Variants in RFPL4B observed in about 807,000 individuals in gnomAD.
RFPL4B encodes ret finger protein like 4B.
For missense variants in RFPL4B, 314 were observed against 327.7 expected (o/e 0.96, Z 0.32); for synonymous variants, 118 against 126.3 (o/e 0.93, Z 0.44).
At chr6:112,348,887 G>T (rs1308082964) in intron 1 of RFPL4B, among the ~76,000 whole-genome samples, 1 of 152,190 alleles carries the variant, frequency 6.6e-6, no homozygotes, top group Non-Finnish European at 1.5e-5. Flanking sequence ...TTTTTGGTTT[G>T]TATTCAGGCA....
At chr6:112,349,135 A>C (rs1789117879) in intron 1 of RFPL4B, 58 bp from the exon 2 acceptor site, 1 of 152,176 alleles carries the variant, frequency 6.6e-6, no homozygotes, top group Non-Finnish European at 1.5e-5. Flanking sequence ...TTAATGTAGA[A>C]TTGGCTTTAT....
intron 1 of RFPL4B, among the ~76,000 whole-genome samples, chr6:112,347,719 C>T (rs539967582): frequency 2.0e-5 from 3 of 152,358 alleles, no homozygotes; most frequent in African/African-American, 7.2e-5. Flanking sequence ...GGCCGGGCGC[C>T]ATGGTTCGCG....
At position 112,350,234 on chromosome 6, in the gene RFPL4B, C is replaced by A; in HGVS notation, c.526C>A (p.Pro176Thr). 1 of 1,614,174 alleles carries A rather than the reference C, an allele frequency of 6.2e-7. No homozygotes were observed. ...PADRKSNDLF[P>T]EHGFWISMKA... Reference sequence around the variant, plus strand: ...TGACAGAAAGAGCAATGATTTATTCCCTGAGCATGGCTTCTGGATCAGCAT... The same window carrying A: ...TGACAGAAAGAGCAATGATTTATTCACTGAGCATGGCTTCTGGATCAGCAT... Residue 176 changes from proline to threonine, a missense_variant, in exon 3 of 3, where the codon CCT becomes ACT. By Grantham distance (38) the Pro-to-Thr change is conservative. Transcript: ENST00000441065.
chr6:112,348,313 G>A (rs1460306095), intron 1 of RFPL4B, among the ~76,000 whole-genome samples: 1 of 152,230 alleles, frequency 6.6e-6, no homozygotes, highest in East Asian at 1.9e-4. Flanking sequence ...AGATTGGAAT[G>A]CTGATCAGGA....
In RFPL4B at chr6:112,349,834, C is replaced by A; in HGVS notation, c.126C>A (p.Asn42Lys). Reference protein sequence around the residue: ...FDCIQRYILENHDFRAMCPLC... With the variant: ...FDCIQRYILEKHDFRAMCPLC... Reference sequence around the variant, plus strand: ...GCATCCAGAGGTATATACTAGAAAACCATGATTTTAGAGCGATGTGCCCCT... The same window carrying A: ...GCATCCAGAGGTATATACTAGAAAAACATGATTTTAGAGCGATGTGCCCCT... Residue 42 changes from asparagine to lysine, a missense_variant, in exon 3 of 3, where the codon AAC becomes AAA. By Grantham distance (94) the Asn-to-Lys change is moderately conservative. Coordinates refer to ENST00000441065, the MANE Select transcript of RFPL4B (RefSeq NM_001013734.3). 6.2e-7 allele frequency: 1 copy of A among 1,614,128 alleles called. No homozygotes were observed. The highest frequency in any genetic ancestry group is 8.5e-7 in the Non-Finnish European group (1 of 1,180,030).
chr6:112,350,510 C>G lies in RFPL4B; in HGVS notation c.*10C>G, dbSNP rs1365402363. On this transcript the variant is annotated 3_prime_UTR_variant, in exon 3 of 3. Coordinates refer to ENST00000441065, the MANE Select transcript of RFPL4B (RefSeq NM_001013734.3). Reference sequence around the variant, plus strand: ...GACCATCTGCCCATGAGAAAGTCAGCCCTTCCTAGAAGCTTTCTGAGAGGT... The same window carrying G: ...GACCATCTGCCCATGAGAAAGTCAGGCCTTCCTAGAAGCTTTCTGAGAGGT... The G allele has an allele frequency of 6.4e-7, 1 of 1,556,906 alleles. No homozygotes were observed. Among genetic ancestry groups the G allele is most frequent in the Admixed American group, 1.9e-5 (1 of 51,734 alleles).
intron 1 of RFPL4B, 125 bp downstream of exon 1, chr6:112,347,532 A>G (rs915787160): frequency 6.6e-6 from 1 of 152,218 alleles, no homozygotes; most frequent in Non-Finnish European, 1.5e-5. Context: ...TTCCTGTGCC[A>G]GGGAGCTTTC....
chr6:112,350,163 T>G lies in RFPL4B; in HGVS notation c.455T>G (p.Val152Gly), dbSNP rs754954702. 1 of 1,614,096 alleles carries G rather than the reference T, an allele frequency of 6.2e-7. No individual in the cohort carries two copies. The highest frequency in any genetic ancestry group is 1.7e-5 in the Admixed American group (1 of 60,018). ...GGCCAACATTACTGGGAGGTTGAAG[T>G]GGGAGAGGTGAAGTCATGGTCCCTG... ...SSGQHYWEVE[V>G]GEVKSWSLGV... is the part of the protein sequence containing the mutation. The change falls in exon 3 of 3, where the codon GTG (valine) becomes GGG (glycine). Residue 152 changes from valine (V) to glycine (G), a missense_variant. By Grantham distance (109) the Val-to-Gly change is moderately radical. Coordinates refer to ENST00000441065, the MANE Select transcript of RFPL4B (RefSeq NM_001013734.3).
chr6:112,349,823 A>T lies in RFPL4B; in HGVS notation c.115A>T (p.Ile39Leu). The T allele has an allele frequency of 1.2e-6, 2 of 1,614,194 alleles. No individual in the cohort carries two copies. Among genetic ancestry groups the T allele is most frequent in the Non-Finnish European group, 1.7e-6 (2 of 1,180,028 alleles). Residue 39 changes from isoleucine (I) to leucine (L), a missense_variant, in exon 3 of 3, where the codon ATA becomes TTA. Transcript: ENST00000441065. ...VFCFDCIQRY[I>L]LENHDFRAMC... ...CTGCTTTGATTGCATCCAGAGGTAT[A>T]TACTAGAAAACCATGATTTTAGAGC...
At position 112,350,583 on chromosome 6, in the gene RFPL4B, T is replaced by G; in HGVS notation, c.*83T>G. The G allele has an allele frequency of 9.5e-7, 1 of 1,047,554 alleles. No individual in the cohort carries two copies. Among genetic ancestry groups the G allele is most frequent in the South Asian group, 1.6e-5 (1 of 62,654 alleles). 64.9% of individuals were successfully genotyped at this position (1,047,554 alleles called of 1,614,324 possible). On this transcript the variant is annotated 3_prime_UTR_variant, in exon 3 of 3. Coordinates refer to ENST00000441065, the MANE Select transcript of RFPL4B (RefSeq NM_001013734.3). ...AAGGTCAGCATGATTGAGGAAGAGATAATGTGCTATAGTGCAAAGACTTGG... is the reference window on the plus strand; with the variant it reads ...AAGGTCAGCATGATTGAGGAAGAGAGAATGTGCTATAGTGCAAAGACTTGG...
rs566509839 is a variant in RFPL4B, at chr6:112,350,437, A to G, written c.729A>G (p.Pro243=). ...DGFFSLELLC[P]FFCLELLGEG... is the part of the protein sequence containing the mutation. ...TCTTCTCTTTGGAGCTTTTGTGTCC[A>G]TTCTTCTGTCTTGAGCTCTTGGGAG... is the stretch of plus-strand genomic sequence containing the variant. The change falls in exon 3 of 3, where the codon CCA becomes CCG. Residue 243 remains proline (P), a synonymous_variant. Transcript: ENST00000441065. The G allele has an allele frequency of 3.5e-5, 56 of 1,613,074 alleles. No individual in the cohort carries two copies. The highest frequency in any genetic ancestry group is 4.6e-5 in the Non-Finnish European group (54 of 1,179,412).
At chr6:112,347,447 A>C (rs6930560) in intron 1 of RFPL4B, 40 bp downstream of exon 1, 2 of 152,110 alleles carry the variant, frequency 1.3e-5, no homozygotes, top group African/African-American at 4.8e-5. Context: ...CCAATGTCCT[A>C]TTCTGTCTTT....
At position 112,350,670 on chromosome 6, in the gene RFPL4B, A is replaced by G; in HGVS notation, c.*170A>G. ...AAACAATTTTCGGATTTTTGGGGTAAATTTTGTGGAATTTGTAGCTAGGTA... is the reference window on the plus strand; with the variant it reads ...AAACAATTTTCGGATTTTTGGGGTAGATTTTGTGGAATTTGTAGCTAGGTA... On this transcript the variant is annotated 3_prime_UTR_variant, in exon 3 of 3. Coordinates refer to ENST00000441065, the MANE Select transcript of RFPL4B (RefSeq NM_001013734.3). 1.8e-6 allele frequency: 1 copy of G among 568,656 alleles called. No individual in the cohort carries two copies. The highest frequency in any genetic ancestry group is 3.5e-5 in the Admixed American group (1 of 28,646). 35.2% of individuals were successfully genotyped at this position (568,656 alleles called of 1,614,324 possible). A position where few individuals can be genotyped will look rare whatever the true frequency, so the allele number is the denominator to read the frequency against.
At position 112,351,064 on chromosome 6, in the gene RFPL4B, A is replaced by G. The variant is rs1789147477; in HGVS notation, c.*564A>G. On this transcript the variant is annotated 3_prime_UTR_variant, in exon 3 of 3. Transcript: ENST00000441065. The stretch of plus-strand genomic sequence containing the variant: ...TTTATTTTCTTTGAAACACAGCCAC[A>G]TAAGTTTTCTTGAAAGACAAAGAAC... 2 of 167,088 alleles carry G rather than the reference A, an allele frequency of 1.2e-5. No homozygotes were observed. The highest frequency in any genetic ancestry group is 4.8e-5 in the African/African-American group (2 of 41,460). 10.4% of individuals were successfully genotyped at this position (167,088 alleles called of 1,614,324 possible).
In RFPL4B at chr6:112,350,484, T is replaced by A. The variant is rs375887178; in HGVS notation, c.776T>A (p.Leu259Gln). 6.3e-7 allele frequency: 1 copy of A among 1,588,616 alleles called. No individual in the cohort carries two copies. Among genetic ancestry groups the A allele is most frequent in the Non-Finnish European group, 8.6e-7 (1 of 1,164,704 alleles). ...LLGEGESGNV[L>Q]TICP ...GGAGAAGGGGAGAGTGGCAACGTCCTGACCATCTGCCCATGAGAAAGTCAG... is the reference window on the plus strand; with the variant it reads ...GGAGAAGGGGAGAGTGGCAACGTCCAGACCATCTGCCCATGAGAAAGTCAG... Residue 259 changes from leucine to glutamine, a missense_variant, in exon 3 of 3, where the codon CTG becomes CAG. Leu to Gln is a moderately radical substitution (Grantham distance 113). Transcript: ENST00000441065.
Position 112,350,612 on chromosome 6 carries a change from AT to A in RFPL4B, c.*117del. 1 of 820,716 alleles carries A rather than the reference AT, an allele frequency of 1.2e-6. No individual in the cohort carries two copies. Among genetic ancestry groups the A allele is most frequent in the Non-Finnish European group, 1.9e-6 (1 of 539,860 alleles). The allele number at this position is 820,716 out of a possible 1,614,324, so 50.8% of individuals were successfully genotyped here. A position where few individuals can be genotyped will look rare whatever the true frequency, so the allele number is the denominator to read the frequency against. ...GTGCTATAGTGCAAAGACTTGGTAA[AT>A]TTTTAAAGTAGATTTTGTAGACTTT... On this transcript the variant is annotated 3_prime_UTR_variant, in exon 3 of 3. Transcript: ENST00000441065.
chr6:112,348,649 T>C (rs1026084982), intron 1 of RFPL4B, among the ~76,000 whole-genome samples: 3 of 152,228 alleles, frequency 2.0e-5, no homozygotes, highest in South Asian at 2.1e-4. Flanking sequence ...CAGGCTCTTA[T>C]TGGAGAACAG....
Position 112,350,384 on chromosome 6 carries a change from A to G in RFPL4B, c.676A>G (p.Asn226Asp). The change falls in exon 3 of 3, where the codon AAT becomes GAT. Residue 226 changes from asparagine (N) to aspartate (D), a missense_variant. Asn to Asp is a conservative substitution (Grantham distance 23). Coordinates refer to ENST00000441065, the MANE Select transcript of RFPL4B (RefSeq NM_001013734.3). The stretch of plus-strand genomic sequence containing the variant: ...AATCCAGTTTTTTGATGTTGACAAT[A>G]ATGTCCTCATCTATACACATGATGG... ...EEIQFFDVDN[N>D]VLIYTHDGFF... The G allele has an allele frequency of 6.2e-7, 1 of 1,614,094 alleles. No individual in the cohort carries two copies. Among genetic ancestry groups the G allele is most frequent in the Admixed American group, 1.7e-5 (1 of 60,024 alleles).
rs995740381 is a variant in RFPL4B, at chr6:112,350,106, C to T, written c.398C>T (p.Ala133Val). ...HHDLTKDPRLACVLGTPCFSS... is the reference protein window; with the variant it reads ...HHDLTKDPRLVCVLGTPCFSS... ...GATCTGACAAAAGATCCCAGGCTGGCCTGTGTCCTGGGTACTCCCTGCTTC... is the reference window on the plus strand; with the variant it reads ...GATCTGACAAAAGATCCCAGGCTGGTCTGTGTCCTGGGTACTCCCTGCTTC... The change falls in exon 3 of 3, where the codon GCC becomes GTC. Residue 133 changes from alanine (A) to valine (V), a missense_variant. Physicochemically the swap from Ala to Val is moderately conservative, Grantham distance 64. Transcript: ENST00000441065. The T allele has an allele frequency of 8.1e-6, 13 of 1,614,098 alleles. No homozygotes were observed. The highest frequency in any genetic ancestry group is 9.3e-6 in the Non-Finnish European group (11 of 1,180,050).
Sources: gnomAD v4.1 joint callset for allele counts (sites outside exome capture counted in the v4.1 genomes callset) on GRCh38, gnomAD v4.1.1 for gene constraint, MANE v1.5 for transcripts, NCBI Gene and HGNC (gene_info 2026-07-23, HGNC 2026-07-21) for gene names.